Variants in LRRFIP1 observed in about 807,000 individuals in gnomAD.
The protein encoded by LRRFIP1 is leucine-rich repeat flightless-interacting protein 1.
A neutral mutation model predicts 104.4 loss-of-function variants in LRRFIP1; 62 were observed. The observed-to-expected ratio is 0.59, with a 90% CI of 0.48 to 0.73. The LOEUF is 0.73. LRRFIP1 is among the 30% of genes least tolerant of loss of function. The pLI is 0.00. For missense variants in LRRFIP1, 796 were observed against 824.5 expected (o/e 0.97, Z 0.42); for synonymous variants, 300 against 299.0 (o/e 1.00, Z -0.03).
chr2:237,716,575 G>A (rs1330888432), intron 3 of LRRFIP1, among the ~76,000 whole-genome samples: 1 of 152,100 alleles, frequency 6.6e-6, no homozygotes, highest in Non-Finnish European at 1.5e-5. Flanking sequence ...ACCAAACATA[G>A]CAACAGCATG....
At chr2:237,663,309 T>A (rs1018656506) in intron 1 of LRRFIP1, among the ~76,000 whole-genome samples, 1 of 152,232 alleles carries the variant, frequency 6.6e-6, no homozygotes. Context: ...CCTAAATTCA[T>A]GTATAGAAAT....
intron 1 of LRRFIP1, among the ~76,000 whole-genome samples, chr2:237,654,295 T>C (rs560345891): frequency 6.6e-6 from 1 of 151,818 alleles, no homozygotes; most frequent in East Asian, 1.9e-4. Flanking sequence ...GAAATGCAAA[T>C]TAAAACCACA....
Position 237,779,418 on chromosome 2 carries a change from C to G in LRRFIP1, c.1813-4C>G, listed in dbSNP as rs1372432017. On this transcript the variant is annotated splice_polypyrimidine_tract_variant and splice_region_variant and intron_variant, in intron 23 of 23. Transcript: ENST00000308482. ...AAAGCTCACTGCCTTTCCTCCGTTC[C>G]CAGCTCCGCTCTGCATTGGATAAAA... is the stretch of plus-strand genomic sequence containing the variant. 7.4e-6 allele frequency: 12 copies of G among 1,612,822 alleles called. No individual in the cohort carries two copies. The highest frequency in any genetic ancestry group is 1.0e-5 in the Non-Finnish European group (12 of 1,179,220).
Position 237,703,593 on chromosome 2 carries a change from G to A in LRRFIP1, c.97-4951G>A, listed in dbSNP as rs996554155. Among the ~76,000 whole-genome samples, 4 of 151,904 alleles carry A rather than the reference G, an allele frequency of 2.6e-5. No homozygotes were observed. The highest frequency in any genetic ancestry group is 4.4e-5 in the Non-Finnish European group (3 of 67,998). On this transcript the variant is annotated intron_variant, in intron 1 of 23. Transcript: ENST00000308482. This position sits in a 1 kb window ranked among gnomAD's most constrained non-coding sequence, Gnocchi z 4.3. ...CTCTGCTTGTCCTGTTTCAGGGTCCGGCTTAGGGCTCCTGTCCTGCGGATG... is the reference window on the plus strand; with the variant it reads ...CTCTGCTTGTCCTGTTTCAGGGTCCAGCTTAGGGCTCCTGTCCTGCGGATG...
chr2:237,678,936 C>T (rs1055413134), intron 1 of LRRFIP1, among the ~76,000 whole-genome samples: 1 of 152,174 alleles, frequency 6.6e-6, no homozygotes, highest in African/African-American at 2.4e-5. Flanking sequence ...ACCCTGGGAA[C>T]TGGGTACCAT....
At chr2:237,705,684 G>A (rs1290401036) in intron 1 of LRRFIP1, among the ~76,000 whole-genome samples, 3 of 151,934 alleles carry the variant, frequency 2.0e-5, no homozygotes, top group African/African-American at 7.3e-5. Context: ...AAAAGAGCCT[G>A]GACTCAGCCT....
At chr2:237,715,334 A>G (rs1575747486) in intron 3 of LRRFIP1, among the ~76,000 whole-genome samples, 1 of 152,180 alleles carries the variant, frequency 6.6e-6, no homozygotes, top group East Asian at 1.9e-4. Flanking sequence ...GTCCTCAGAG[A>G]GCCTCGGGAA....
intron 1 of LRRFIP1, among the ~76,000 whole-genome samples, chr2:237,694,528 C>T (rs2093035403): frequency 6.6e-6 from 1 of 152,120 alleles, no homozygotes; most frequent in Non-Finnish European, 1.5e-5. Flanking sequence ...TGGGTATAGG[C>T]ACAGGAAAGT....
chr2:237,725,429 T>C (rs930495877), intron 7 of LRRFIP1, among the ~76,000 whole-genome samples: 5 of 152,206 alleles, frequency 3.3e-5, no homozygotes, highest in African/African-American at 4.8e-5. Context: ...CTATGGACTT[T>C]TGTTCTAATA....
rs12613487 is a variant in LRRFIP1, at chr2:237,661,651, G to A, written c.96+33911G>A. 0.077 allele frequency among the ~76,000 whole-genome samples: 11,784 copies of A among 152,248 alleles called. 565 individuals carry two copies. The highest frequency in any genetic ancestry group is 0.19 in the East Asian group (983 of 5,174). ...TCAGTGATACCTAACATCTGTCCCA[G>A]AGCCATGCACGTTCCGAAAGCACAT... On this transcript the variant is annotated intron_variant, in intron 1 of 23. Coordinates refer to ENST00000308482, the MANE Select transcript of LRRFIP1 (RefSeq NM_001137550.2). This position sits in a 1 kb window ranked among gnomAD's most constrained non-coding sequence, Gnocchi z 4.4.
chr2:237,719,621 G>C, intron 5 of LRRFIP1, 54 bp downstream of exon 5: 2 of 1,269,646 alleles, frequency 1.6e-6, no homozygotes, highest in Non-Finnish European at 2.3e-6. Flanking sequence ...TCTAATTTAT[G>C]CTTGCAGTGG....
chr2:237,749,080 T>G lies in LRRFIP1; in HGVS notation c.670-119T>G. ...GGGAAACTGCCCCCGTGATCCAGTC[T>G]CCTCCCACCAGGGCCGTCCCTCATC... On this transcript the variant is annotated intron_variant, in intron 12 of 23. Transcript: ENST00000308482. 4 of 1,034,224 alleles carry G rather than the reference T, an allele frequency of 3.9e-6. No individual in the cohort carries two copies. In the Admixed American group the frequency reaches 8.4e-5, roughly 22 times the overall value. The allele number at this position is 1,034,224 out of a possible 1,614,324, so 64.1% of individuals were successfully genotyped here.
intron 1 of LRRFIP1, among the ~76,000 whole-genome samples, chr2:237,642,633 G>T (rs904465788): frequency 7.9e-5 from 12 of 151,990 alleles, no homozygotes; most frequent in Non-Finnish European, 2.9e-5. Flanking sequence ...CTAGGTTCCA[G>T]ACTCCAGGCT....
At position 237,703,855 on chromosome 2, in the gene LRRFIP1, A is replaced by C. The variant is rs2093666461; in HGVS notation, c.97-4689A>C. ...TGCATTCCTGTGGCCTCCCCGGGCC[A>C]CGGTCAGCCCACAGGCTACTCACAG... On this transcript the variant is annotated intron_variant, in intron 1 of 23. Transcript: ENST00000308482. The surrounding 1 kb of genome is among the most constrained non-coding windows in gnomAD (Gnocchi z 4.3). Among the ~76,000 whole-genome samples, 1 of 152,090 alleles carries C rather than the reference A, an allele frequency of 6.6e-6. No homozygotes were observed. The highest frequency in any genetic ancestry group is 1.5e-5 in the Non-Finnish European group (1 of 68,018).
intron 1 of LRRFIP1, among the ~76,000 whole-genome samples, chr2:237,690,111 A>G (rs575772534): frequency 1.5e-4 from 23 of 152,298 alleles, no homozygotes; most frequent in African/African-American, 5.1e-4. Flanking sequence ...ATTGACTGGC[A>G]GCCTGGGGGT....
intron 1 of LRRFIP1, among the ~76,000 whole-genome samples, chr2:237,635,202 T>C (rs1284227464): frequency 6.6e-6 from 1 of 152,248 alleles, no homozygotes; most frequent in Non-Finnish European, 1.5e-5. Flanking sequence ...TCATACTTGA[T>C]TGATACTTTG....
intron 19 of LRRFIP1, chr2:237,763,007 G>A (rs2060026724): frequency 6.2e-7 from 1 of 1,614,244 alleles, no homozygotes; most frequent in Non-Finnish European, 8.5e-7. Flanking sequence ...GACTCAGGTT[G>A]AAGAGCAGGC....
At chr2:237,631,827 C>A (rs1243145986) in intron 1 of LRRFIP1, among the ~76,000 whole-genome samples, 1 of 152,256 alleles carries the variant, frequency 6.6e-6, no homozygotes, top group African/African-American at 2.4e-5. Context: ...CACCGTGGGG[C>A]CTTGAGACAG....
At chr2:237,736,888 T>C (rs924900756) in intron 10 of LRRFIP1, among the ~76,000 whole-genome samples, 37 of 152,176 alleles carry the variant, frequency 2.4e-4, no homozygotes, top group Non-Finnish European at 1.5e-5. Context: ...CCCCTCCAAG[T>C]GGATACTCCG....
Sources: allele counts gnomAD v4.1 joint callset (sites outside exome capture counted in the v4.1 genomes callset), GRCh38; gene constraint gnomAD v4.1.1; non-coding constraint Gnocchi (gnomAD v3.1); transcripts MANE v1.5; gene names NCBI Gene and HGNC (gene_info 2026-07-23, HGNC 2026-07-21).